Variants in SLAIN2 observed in about 807,000 individuals in gnomAD.
SLAIN2 encodes SLAIN motif-containing protein 2.
Under a neutral mutation model 56.6 loss-of-function variants are expected in SLAIN2, and 31 were observed. The observed-to-expected ratio is 0.55, with a 90% CI of 0.41 to 0.74. SLAIN2 has a LOEUF of 0.74. Ranked by LOEUF, SLAIN2 falls within the 30% of genes least tolerant of loss-of-function variation. The pLI, the probability that SLAIN2 is intolerant of heterozygous loss-of-function variation, is 0.00. For missense variants in SLAIN2, 777 were observed against 754.2 expected, an observed-to-expected ratio of 1.03 and a Z score of -0.35; for synonymous variants, 317 against 284.9, an observed-to-expected ratio of 1.11 and a Z score of -1.13.
Position 48,422,219 on chromosome 4 carries a change from A to T in SLAIN2, c.*142A>T, listed in dbSNP as rs1396281267. The T allele has an allele frequency of 1.8e-5, 11 of 619,982 alleles. No homozygotes were observed. Among genetic ancestry groups the T allele is most frequent in the Non-Finnish European group, 2.8e-6 (1 of 351,228 alleles). 38.4% of individuals were successfully genotyped at this position (619,982 alleles called of 1,614,324 possible). A position where few individuals can be genotyped will look rare whatever the true frequency, so the allele number is the denominator to read the frequency against. On this transcript the variant is annotated 3_prime_UTR_variant, in exon 8 of 8. Transcript: ENST00000264313. Reference sequence around the variant, plus strand: ...GCCCTCTCTGTCTTAATTAGCACAAACCGACAGAGATCATCAAACAGCACT... The same window carrying T: ...GCCCTCTCTGTCTTAATTAGCACAATCCGACAGAGATCATCAAACAGCACT...
rs1439409007 is a variant in SLAIN2 at position 48,423,887 on chromosome 4, A to AG, written c.*1816dup. 1 of 152,108 alleles carries AG rather than the reference A, an allele frequency of 6.6e-6. No individual in the cohort carries two copies. The highest frequency in any genetic ancestry group is 1.5e-5 in the Non-Finnish European group (1 of 68,002). 9.4% of individuals were successfully genotyped at this position (152,108 alleles called of 1,614,324 possible). ...GGAAGATAAAGCATCTTCTTTTGGGAGGGGGGTATCTCATGTCTAAGTAAG... is the reference window on the plus strand; with the variant it reads ...GGAAGATAAAGCATCTTCTTTTGGGAGGGGGGGTATCTCATGTCTAAGTAAG... On this transcript the variant is annotated 3_prime_UTR_variant, in exon 8 of 8. Coordinates refer to ENST00000264313, the MANE Select transcript of SLAIN2 (RefSeq NM_020846.2).
At chr4:48,379,930 T>G (rs1715926959) in intron 4 of SLAIN2, 82 bp downstream of exon 4, 6 of 1,221,908 alleles carry the variant, frequency 4.9e-6, no homozygotes, top group Non-Finnish European at 6.5e-6. Flanking sequence ...TAAAGTATTG[T>G]GGGGGTAGTA....
intron 6 of SLAIN2, among the ~76,000 whole-genome samples, chr4:48,390,084 CT>C (rs58551776): frequency 5.5e-4 from 76 of 139,386 alleles, no homozygotes; most frequent in East Asian, 8.3e-4. Flanking sequence ...TTTTCTTTTT[CT>C]TTTTTTTTTT....
chr4:48,411,300 G>A (rs1340729901), intron 6 of SLAIN2, among the ~76,000 whole-genome samples: 2 of 152,068 alleles, frequency 1.3e-5, no homozygotes, highest in Non-Finnish European at 2.9e-5. Context: ...CATGTGATTC[G>A]TTTTGGGGAT....
chr4:48,346,855 T>A lies in SLAIN2; in HGVS notation c.389+4727T>A, dbSNP rs546372283. 2.5e-3 allele frequency among the ~76,000 whole-genome samples: 333 copies of A among 132,540 alleles called. 10 individuals are homozygous for A. The highest frequency in any genetic ancestry group is 9.2e-3 in the African/African-American group (320 of 34,622). 87.0% of individuals were successfully genotyped at this position (132,540 alleles called of 152,430 possible). A position where few individuals can be genotyped will look rare whatever the true frequency, so the allele number is the denominator to read the frequency against. On this transcript the variant is annotated intron_variant, in intron 1 of 7. Coordinates refer to ENST00000264313, the MANE Select transcript of SLAIN2 (RefSeq NM_020846.2). ...TTTCCCTTTTTTTTTTTTTTTTTTT[T>A]AAGAGACAGGGTCTTCCCATGTTGC... is the stretch of plus-strand genomic sequence containing the variant.
chr4:48,380,677 A>G (rs1408214255), intron 4 of SLAIN2, among the ~76,000 whole-genome samples: 2 of 152,196 alleles, frequency 1.3e-5, no homozygotes, highest in Non-Finnish European at 2.9e-5. Flanking sequence ...TGCCATCTGC[A>G]TAACTATGAA....
In SLAIN2 at chr4:48,425,084, A is replaced by G. The variant is rs1717266414; in HGVS notation, c.*3007A>G. ...ATTCCTTTTTTCCTCTCAGTTGCCT[A>G]CACTTGGTTTTAATAAATTACTCAG... On this transcript the variant is annotated 3_prime_UTR_variant, in exon 8 of 8. Coordinates refer to ENST00000264313, the MANE Select transcript of SLAIN2 (RefSeq NM_020846.2). 6.6e-6 allele frequency: 1 copy of G among 152,162 alleles called. No individual in the cohort carries two copies. Among genetic ancestry groups the G allele is most frequent in the South Asian group, 2.1e-4 (1 of 4,832 alleles). 9.4% of individuals were successfully genotyped at this position (152,162 alleles called of 1,614,324 possible). A position where few individuals can be genotyped will look rare whatever the true frequency, so the allele number is the denominator to read the frequency against.
At chr4:48,352,115 C>CTTT (rs376775260) in intron 1 of SLAIN2, among the ~76,000 whole-genome samples, 43,181 of 151,788 alleles carry the variant, frequency 0.28, 6,404 homozygotes, top group South Asian at 0.48. Flanking sequence ...TATTGGAATG[C>CTTT]TTTTAACAAA....
chr4:48,405,740 T>C (rs984352593), intron 6 of SLAIN2, among the ~76,000 whole-genome samples: 2 of 152,176 alleles, frequency 1.3e-5, no homozygotes, highest in African/African-American at 2.4e-5. Context: ...TATTACAGAA[T>C]TGGGAATTTT....
At chr4:48,376,348 G>T (rs1261369998) in intron 2 of SLAIN2, among the ~76,000 whole-genome samples, 1 of 151,370 alleles carries the variant, frequency 6.6e-6, no homozygotes, top group African/African-American at 2.4e-5. Context: ...CCAGCTATTT[G>T]GGAGGCTGAG....
rs758494472 is a variant in SLAIN2, at chr4:48,420,200, G to C, written c.1436G>C (p.Ser479Thr). Residue 479 changes from serine (S) to threonine (T), a missense_variant, in exon 7 of 8, where the codon AGT (serine) becomes ACT (threonine). By Grantham distance (58) the Ser-to-Thr change is moderately conservative. Transcript: ENST00000264313. ...LALRQPVKAFSNHGSGSPGSQ... is the reference protein window; with the variant it reads ...LALRQPVKAFTNHGSGSPGSQ... ...CTTCGGCAACCAGTGAAAGCATTTAGTAACCATGGCTCTGGTTCTCCTGGT... is the reference window on the plus strand; with the variant it reads ...CTTCGGCAACCAGTGAAAGCATTTACTAACCATGGCTCTGGTTCTCCTGGT... The C allele has an allele frequency of 9.3e-6, 15 of 1,613,954 alleles. No homozygotes were observed. The highest frequency in any genetic ancestry group is 1.3e-5 in the Non-Finnish European group (15 of 1,179,878).
chr4:48,364,888 G>C (rs562217580), intron 1 of SLAIN2, among the ~76,000 whole-genome samples: 1 of 138,582 alleles, frequency 7.2e-6, no homozygotes, highest in African/African-American at 2.6e-5. Context: ...GGGGGAGGGG[G>C]AGGGGGAGGG....
chr4:48,360,545 T>C (rs1354417078), intron 1 of SLAIN2, among the ~76,000 whole-genome samples: 1 of 151,976 alleles, frequency 6.6e-6, no homozygotes, highest in Non-Finnish European at 1.5e-5. Flanking sequence ...TGAGCTGAGA[T>C]TGTACCACTA....
intron 5 of SLAIN2, 150 bp from the exon 6 acceptor site, chr4:48,383,496 TG>T (rs1716023648): frequency 1.4e-6 from 1 of 725,886 alleles, no homozygotes; most frequent in Non-Finnish European, 2.1e-6. Flanking sequence ...TCGAGTTGTT[TG>T]TTTTTTTTAA....
chr4:48,405,491 G>A (rs1248181261), intron 6 of SLAIN2, among the ~76,000 whole-genome samples: 2 of 151,722 alleles, frequency 1.3e-5, no homozygotes, highest in African/African-American at 4.9e-5. Flanking sequence ...GTTCTTACAG[G>A]CTGAACTTTG....
chr4:48,382,857 C>T lies in SLAIN2; in HGVS notation c.1152C>T (p.Arg384=), dbSNP rs1175739284. The T allele has an allele frequency of 3.7e-6, 6 of 1,613,584 alleles. No homozygotes were observed. Among genetic ancestry groups the T allele is most frequent in the South Asian group, 1.1e-5 (1 of 91,062 alleles). The change falls in exon 5 of 8, where the codon CGC becomes CGT. Residue 384 remains arginine (R), a synonymous_variant. Coordinates refer to ENST00000264313, the MANE Select transcript of SLAIN2 (RefSeq NM_020846.2). ...TGTCCCCACAGCCTATGATTAGCCG[C>T]TTACAGCAACCTCGCCTTTCACTTC... is the stretch of plus-strand genomic sequence containing the variant. ...SRVSPQPMIS[R]LQQPRLSLQG...
rs1036172828 is a variant in SLAIN2 at position 48,341,598 on chromosome 4, G to C, written c.-142G>C. 5.5e-6 allele frequency: 7 copies of C among 1,272,782 alleles called. No individual in the cohort carries two copies. The Admixed American group carries it at 2.3e-4, about 41-fold the overall frequency. The allele number at this position is 1,272,782 out of a possible 1,614,324, so 78.8% of individuals were successfully genotyped here. On this transcript the variant is annotated 5_prime_UTR_variant, in exon 1 of 8. Transcript: ENST00000264313. ...GGCGCTTTGGAACCCGAGGTGGGGG[G>C]ACCCTGGCGGTGGGGCCTGGTCCTG...
chr4:48,347,053 A>G (rs1016012380), intron 1 of SLAIN2, among the ~76,000 whole-genome samples: 1 of 151,848 alleles, frequency 6.6e-6, no homozygotes, highest in African/African-American at 2.4e-5. Flanking sequence ...ACAAATACTT[A>G]GAGTACCTGT....
chr4:48,417,837 G>A (rs2109789410), intron 6 of SLAIN2, among the ~76,000 whole-genome samples: 2 of 152,072 alleles, frequency 1.3e-5, no homozygotes, highest in Non-Finnish European at 2.9e-5. Flanking sequence ...ATTAGGTATT[G>A]ATGGGATGTA....
Sources: allele counts gnomAD v4.1 joint callset (sites outside exome capture counted in the v4.1 genomes callset), GRCh38; gene constraint gnomAD v4.1.1; transcripts MANE v1.5; gene names NCBI Gene and HGNC (gene_info 2026-07-23, HGNC 2026-07-21).